KIR2DL1: variants seen among roughly 807,000 people sequenced by gnomAD.
The protein encoded by KIR2DL1 is killer cell immunoglobulin-like receptor 2DL1.
A neutral mutation model predicts 33.9 loss-of-function variants in KIR2DL1; 38 were observed. The ratio of observed to expected loss-of-function variants is 1.12; its 90% confidence interval spans 0.86 to 1.47. The LOEUF is 1.47. Ranked by LOEUF, KIR2DL1 falls within the 40% of genes most tolerant of loss-of-function variation. The pLI, the probability that KIR2DL1 is intolerant of heterozygous loss-of-function variation, is 0.00. For synonymous variants in KIR2DL1, 179 were observed against 165.9 expected, an observed-to-expected ratio of 1.08 and a Z score of -0.61; for missense variants, 531 against 433.9, an observed-to-expected ratio of 1.22 and a Z score of -1.99.
At position 54,775,758 on chromosome 19, in the gene KIR2DL1, A is replaced by C. The variant is rs539942411; in HGVS notation, c.664+300A>C. Among the ~76,000 whole-genome samples the C allele has an allele frequency of 4.0e-5, 6 of 148,882 alleles. No individual in the cohort carries two copies. In the East Asian group the frequency reaches 5.8e-4, roughly 14 times the overall value. The stretch of plus-strand genomic sequence containing the variant: ...AGATCAGAGGTTCCCTCAGCCCCTC[A>C]ACCTTACCCATTTCCCAGAAGCCCA... On this transcript the variant is annotated intron_variant, in intron 4 of 7. Coordinates refer to ENST00000336077, the MANE Select transcript of KIR2DL1 (RefSeq NM_014218.3).
Position 54,783,049 on chromosome 19 carries a change from A to G in KIR2DL1, c.817+26A>G, listed in dbSNP as rs1254792365. The G allele has an allele frequency of 2.5e-6, 4 of 1,605,706 alleles. No individual in the cohort carries two copies. The Admixed American group carries it at 6.7e-5, about 27-fold the overall frequency. On this transcript the variant is annotated intron_variant, in intron 6 of 7. Transcript: ENST00000336077. Reference sequence around the variant, plus strand: ...GTAAGTCTCACGAAGCAGAGGCCAGAGAGCTCAGGGCCATGTGGGGAAGCA... The same window carrying G: ...GTAAGTCTCACGAAGCAGAGGCCAGGGAGCTCAGGGCCATGTGGGGAAGCA...
In KIR2DL1 at chr19:54,771,031, C is replaced by A; in HGVS notation, c.70+147C>A. Reference sequence around the variant, plus strand: ...GGCCCACATTTCTGACCTTGCCTCCCTGGCCTTTCATTCCCTTGGCAGAGT... The same window carrying A: ...GGCCCACATTTCTGACCTTGCCTCCATGGCCTTTCATTCCCTTGGCAGAGT... On this transcript the variant is annotated intron_variant, in intron 2 of 7. Transcript: ENST00000336077. The A allele has an allele frequency of 6.3e-6, 8 of 1,262,296 alleles. 1 individual carries two copies. The South Asian group carries it at 1.0e-4, about 16-fold the overall frequency. The allele number at this position is 1,262,296 out of a possible 1,614,324, so 78.2% of individuals were successfully genotyped here. A position where few individuals can be genotyped will look rare whatever the true frequency, so the allele number is the denominator to read the frequency against.
At chr19:54,779,275 G>C (rs62122993) in intron 5 of KIR2DL1, among the ~76,000 whole-genome samples, 1,987 of 132,124 alleles carry the variant, frequency 0.015, no homozygotes, top group African/African-American at 0.027. Context: ...TTACAGTGCT[G>C]TAGCTCAAAG....
intron 5 of KIR2DL1, 150 bp from the exon 6 acceptor site, chr19:54,782,772 A>C: frequency 1.3e-6 from 1 of 791,802 alleles, no homozygotes; most frequent in East Asian, 2.5e-5. Flanking sequence ...CTATAACAGA[A>C]AAAGCAGGAG....
At position 54,783,646 on chromosome 19, in the gene KIR2DL1, G is replaced by C. The variant is rs1429985255; in HGVS notation, c.880G>C (p.Glu294Gln). 3 of 1,613,964 alleles carry C rather than the reference G, an allele frequency of 1.9e-6. No individual in the cohort carries two copies. The highest frequency in any genetic ancestry group is 4.5e-5 in the East Asian group (2 of 44,882). The change falls in exon 8 of 8, where the codon GAA (glutamate) becomes CAA (glutamine). Residue 294 changes from glutamate (E) to glutamine (Q), a missense_variant. Coordinates refer to ENST00000336077, the MANE Select transcript of KIR2DL1 (RefSeq NM_014218.3). ...ATTTCCCTCTCTCCAGGACTCTGATGAACAAGACCCTCAGGAGGTGACATA... is the reference window on the plus strand; with the variant it reads ...ATTTCCCTCTCTCCAGGACTCTGATCAACAAGACCCTCAGGAGGTGACATA... Reference protein sequence around the residue: ...NRTANSEDSDEQDPQEVTYTQ... With the variant: ...NRTANSEDSDQQDPQEVTYTQ...
chr19:54,783,704 G>A lies in KIR2DL1; in HGVS notation c.938G>A (p.Arg313Lys). 1 of 1,613,992 alleles carries A rather than the reference G, an allele frequency of 6.2e-7. No individual in the cohort carries two copies. The highest frequency in any genetic ancestry group is 1.1e-5 in the South Asian group (1 of 91,078). The change falls in exon 8 of 8, where the codon AGA becomes AAA. Residue 313 changes from arginine (R) to lysine (K), a missense_variant. Transcript: ENST00000336077. Reference sequence around the variant, plus strand: ...TTGAATCACTGCGTTTTCACACAGAGAAAAATCACTCGCCCTTCTCAGAGG... The same window carrying A: ...TTGAATCACTGCGTTTTCACACAGAAAAAAATCACTCGCCCTTCTCAGAGG... Reference protein sequence around the residue: ...TQLNHCVFTQRKITRPSQRPK... With the variant: ...TQLNHCVFTQKKITRPSQRPK...
chr19:54,774,816 G>A (rs1284704233), intron 3 of KIR2DL1, among the ~76,000 whole-genome samples: 1 of 148,550 alleles, frequency 6.7e-6, no homozygotes, highest in African/African-American at 2.5e-5. Context: ...TAAATAGATA[G>A]ATCGATAGAT....
At chr19:54,773,210 A>G in intron 2 of KIR2DL1, 123 bp from the exon 3 acceptor site, 1 of 1,176,636 alleles carries the variant, frequency 8.5e-7, no homozygotes, top group East Asian at 2.4e-5. Context: ...AGAAAAGAAC[A>G]TGAAGACACA....
chr19:54,775,106 G>A lies in KIR2DL1; in HGVS notation c.371-59G>A. The A allele has an allele frequency of 2.0e-6, 3 of 1,512,390 alleles. 1 individual carries two copies. The highest frequency in any genetic ancestry group is 2.4e-5 in the South Asian group (2 of 83,120). 93.7% of individuals were successfully genotyped at this position (1,512,390 alleles called of 1,614,324 possible). On this transcript the variant is annotated intron_variant, in intron 3 of 7. Transcript: ENST00000336077. ...ACAGGGGAGTGAGTTCTCAGCTCAG[G>A]TGAAGGGAGCTGTGACAAAGAAGAT...
intron 5 of KIR2DL1, among the ~76,000 whole-genome samples, chr19:54,781,915 T>G (rs2077002336): frequency 6.6e-6 from 1 of 152,016 alleles, no homozygotes; most frequent in South Asian, 2.1e-4. Flanking sequence ...GAGAAGACTC[T>G]AAACACCTCC....
At position 54,782,909 on chromosome 19, in the gene KIR2DL1, C is replaced by G; in HGVS notation, c.716-13C>G. The G allele has an allele frequency of 6.2e-7, 1 of 1,610,914 alleles. No homozygotes were observed. The highest frequency in any genetic ancestry group is 8.5e-7 in the Non-Finnish European group (1 of 1,177,454). ...TAAGATTAGCTTCTTATTGGTGTCT[C>G]ATCTTCTTCCAGGTAACCCCCGACA... On this transcript the variant is annotated splice_polypyrimidine_tract_variant and intron_variant, in intron 5 of 7. Transcript: ENST00000336077.
chr19:54,773,348 C>T lies in KIR2DL1; in HGVS notation c.86C>T (p.Pro29Leu), dbSNP rs2075969698. 6.3e-7 allele frequency: 1 copy of T among 1,598,708 alleles called. No homozygotes were observed. The highest frequency in any genetic ancestry group is 1.1e-5 in the South Asian group (1 of 90,524). ...CTCTTCCTAGGAGTCCACAGAAAAC[C>T]TTCCCTCCTGGCCCACCCAGGTCGC... ...AWPHEGVHRK[P>L]SLLAHPGRLV... Residue 29 changes from proline (P) to leucine (L), a missense_variant, in exon 3 of 8, where the codon CCT becomes CTT. By Grantham distance (98) the Pro-to-Leu change is moderately conservative. Transcript: ENST00000336077.
Position 54,783,757 on chromosome 19 carries a change from G to T in KIR2DL1, c.991G>T (p.Val331Leu). The T allele has an allele frequency of 1.2e-6, 2 of 1,613,276 alleles. 1 individual carries two copies. Among genetic ancestry groups the T allele is most frequent in the Non-Finnish European group, 1.7e-6 (2 of 1,179,708 alleles). The change falls in exon 8 of 8, where the codon GTG becomes TTG. Residue 331 changes from valine to leucine, a missense_variant. Coordinates refer to ENST00000336077, the MANE Select transcript of KIR2DL1 (RefSeq NM_014218.3). ...RPKTPPTDII[V>L]YTELPNAESR... is the part of the protein sequence containing the mutation. ...CAAGACACCCCCAACAGATATCATC[G>T]TGTACACGGAACTTCCAAATGCTGA... is the stretch of plus-strand genomic sequence containing the variant.
intron 2 of KIR2DL1, among the ~76,000 whole-genome samples, chr19:54,772,418 G>T (rs867246384): frequency 6.9e-6 from 1 of 145,906 alleles, no homozygotes; most frequent in Non-Finnish European, 1.5e-5. Flanking sequence ...CGACAAACAG[G>T]GTCCGATTTC....
In KIR2DL1 at chr19:54,778,651, G is replaced by C; in HGVS notation, c.704G>C (p.Ser235Thr). Residue 235 changes from serine to threonine, a missense_variant, in exon 5 of 8, where the codon AGC becomes ACC. Coordinates refer to ENST00000336077, the MANE Select transcript of KIR2DL1 (RefSeq NM_014218.3). Reference protein sequence around the residue: ...SNSWPSPTEPSSKTGNPRHLH... With the variant: ...SNSWPSPTEPTSKTGNPRHLH... Reference sequence around the variant, plus strand: ...AGTTGGCCTTCACCCACTGAACCAAGCTCCAAAACCGGTGAGTACAGAACC... The same window carrying C: ...AGTTGGCCTTCACCCACTGAACCAACCTCCAAAACCGGTGAGTACAGAACC... The C allele has an allele frequency of 6.4e-7, 1 of 1,564,942 alleles. No individual in the cohort carries two copies. Among genetic ancestry groups the C allele is most frequent in the East Asian group, 2.2e-5 (1 of 44,700 alleles).
chr19:54,781,877 G>A (rs1452452749), intron 5 of KIR2DL1, among the ~76,000 whole-genome samples: 2 of 151,868 alleles, frequency 1.3e-5, no homozygotes, highest in African/African-American at 2.4e-5. Context: ...CACATTCGCT[G>A]TGAATCAATC....
In KIR2DL1 at chr19:54,782,981, C is replaced by T. The variant is rs750185242; in HGVS notation, c.775C>T (p.Leu259Phe). 9 of 1,613,668 alleles carry T rather than the reference C, an allele frequency of 5.6e-6. No homozygotes were observed. The East Asian group carries it at 6.7e-5, about 12-fold the overall frequency. The change falls in exon 6 of 8, where the codon CTC becomes TTC. Residue 259 changes from leucine (L) to phenylalanine (F), a missense_variant. Transcript: ENST00000336077. ...GTSVVIILFI[L>F]LFFLLHRWCS... The stretch of plus-strand genomic sequence containing the variant: ...CTCAGTGGTCATCATCCTCTTCATC[C>T]TCCTCTTCTTTCTCCTTCATCGCTG...
At chr19:54,777,386 C>G (rs189726736) in intron 4 of KIR2DL1, among the ~76,000 whole-genome samples, 3 of 148,308 alleles carry the variant, frequency 2.0e-5, no homozygotes, top group Non-Finnish European at 4.5e-5. Context: ...CCACCTCACC[C>G]GGCCTAAAAG....
chr19:54,781,326 C>T (rs576554186), intron 5 of KIR2DL1, among the ~76,000 whole-genome samples: 732 of 149,470 alleles, frequency 4.9e-3, no homozygotes, highest in African/African-American at 0.017. Context: ...AAACCTCTTC[C>T]CTATTTGGCT....
Sources: gnomAD v4.1 joint callset for allele counts (sites outside exome capture counted in the v4.1 genomes callset) on GRCh38, gnomAD v4.1.1 for gene constraint, MANE v1.5 for transcripts, NCBI Gene and HGNC (gene_info 2026-07-23, HGNC 2026-07-21) for gene names.